CWF19L2: variants seen among roughly 807,000 people sequenced by gnomAD.
CWF19L2 encodes CWF19 like cell cycle control factor 2.
CWF19L2 carries 98 observed loss-of-function variants against 111.7 expected under a neutral mutation model. The observed-to-expected ratio is 0.88, with a 90% CI of 0.75 to 1.04. CWF19L2 has a LOEUF of 1.04. Ranked by LOEUF, CWF19L2 falls within the 50% of genes least tolerant of loss-of-function variation. The probability of loss-of-function intolerance (pLI) is 0.00; values close to 1 mark genes in which losing one functional copy is unlikely to be tolerated. For synonymous variants in CWF19L2, 351 were observed against 342.9 expected, an observed-to-expected ratio of 1.02 and a Z score of -0.26; for missense variants, 1,101 against 1,051.4, an observed-to-expected ratio of 1.05 and a Z score of -0.65.
At position 107,329,816 on chromosome 11, in the gene CWF19L2, A is replaced by G. The variant is rs147953007; in HGVS notation, c.2541+102T>C. ...CTAAAAACTGGGTGGAGCAGTACTCACCAATTTCTTTGTATACTGTGCCCA... is the reference window on the plus strand; with the variant it reads ...CTAAAAACTGGGTGGAGCAGTACTCGCCAATTTCTTTGTATACTGTGCCCA... On this transcript the variant is annotated intron_variant, in intron 17 of 17. Transcript: ENST00000282251. 8.4e-4 allele frequency: 643 copies of G among 766,654 alleles called. No individual in the cohort carries two copies. The African/African-American group carries it at 9.6e-3, about 11-fold the overall frequency. 47.5% of individuals were successfully genotyped at this position (766,654 alleles called of 1,614,324 possible).
At chr11:107,361,739 A>C (rs76894292) in intron 12 of CWF19L2, among the ~76,000 whole-genome samples, 3 of 152,078 alleles carry the variant, frequency 2.0e-5, no homozygotes, top group Non-Finnish European at 4.4e-5. Context: ...AGCTATTGTA[A>C]ATGGGATTAC....
chr11:107,433,585 T>A, intron 7 of CWF19L2, 49 bp downstream of exon 7: 1 of 812,330 alleles, frequency 1.2e-6, no homozygotes. Context: ...CACTTAATTT[T>A]TCACCTAATT....
At chr11:107,351,442 G>A (rs921749428) in intron 13 of CWF19L2, among the ~76,000 whole-genome samples, 46 of 152,202 alleles carry the variant, frequency 3.0e-4, no homozygotes, top group African/African-American at 1.1e-3. Context: ...AGTTTCAGAT[G>A]TTTACTAGAT....
chr11:107,385,097 T>A (rs1860745602), intron 12 of CWF19L2, among the ~76,000 whole-genome samples: 1 of 152,160 alleles, frequency 6.6e-6, no homozygotes, highest in South Asian at 2.1e-4. Flanking sequence ...TTCTTTTTTT[T>A]ATAGGCTTTT....
chr11:107,445,490 C>T (rs1218089787), intron 3 of CWF19L2, among the ~76,000 whole-genome samples: 1 of 151,948 alleles, frequency 6.6e-6, no homozygotes, highest in Non-Finnish European at 1.5e-5. Flanking sequence ...TGTACTCCCA[C>T]CTACTTGAGA....
At chr11:107,450,286 C>G (rs1861760364) in intron 3 of CWF19L2, among the ~76,000 whole-genome samples, 1 of 151,972 alleles carries the variant, frequency 6.6e-6, no homozygotes, top group South Asian at 2.1e-4. Context: ...GTCTCAAAAA[C>G]TTTTTAACAA....
intron 13 of CWF19L2, among the ~76,000 whole-genome samples, chr11:107,351,147 G>A (rs1386562446): frequency 6.6e-6 from 1 of 152,192 alleles, no homozygotes; most frequent in East Asian, 1.9e-4. Flanking sequence ...GACCCATTAG[G>A]AAACTATTAC....
chr11:107,330,807 C>T (rs1348277510), intron 16 of CWF19L2, among the ~76,000 whole-genome samples: 1 of 970 alleles, frequency 1.0e-3, no homozygotes, highest in Non-Finnish European at 1.9e-3. Context: ...TAGAAATTAT[C>T]CAAGTGGGTC....
intron 17 of CWF19L2, among the ~76,000 whole-genome samples, chr11:107,329,511 TCA>T (rs1482147935): frequency 6.6e-6 from 1 of 152,170 alleles, no homozygotes; most frequent in African/African-American, 2.4e-5. Context: ...TCTCTGTAGC[TCA>T]GTTTCTTCAT....
At chr11:107,401,176 C>G (rs952741863) in intron 10 of CWF19L2, among the ~76,000 whole-genome samples, 1 of 152,160 alleles carries the variant, frequency 6.6e-6, no homozygotes, top group Non-Finnish European at 1.5e-5. Context: ...TGCTCACTCT[C>G]ACCACTCCTC....
rs538625677 is a variant in CWF19L2, at chr11:107,361,210, T to C, written c.1873-7474A>G. On this transcript the variant is annotated intron_variant, in intron 12 of 17. Transcript: ENST00000282251. Reference sequence around the variant, plus strand: ...TCCCAGCACCATTTACTGAAAAGAGTATCTTTTCCCCGGTGTATGTTCGTG... The same window carrying C: ...TCCCAGCACCATTTACTGAAAAGAGCATCTTTTCCCCGGTGTATGTTCGTG... Among the ~76,000 whole-genome samples the C allele has an allele frequency of 3.3e-5, 5 of 152,310 alleles. No individual in the cohort carries two copies. In the South Asian group the frequency reaches 8.3e-4, roughly 25 times the overall value.
intron 1 of CWF19L2, 57 bp downstream of exon 1, chr11:107,457,655 G>A (rs1273456918): frequency 3.8e-6 from 5 of 1,307,542 alleles, no homozygotes; most frequent in African/African-American, 1.5e-5. Flanking sequence ...GCTAGCTTAC[G>A]GGAACCCTCA....
chr11:107,353,933 G>A (rs994704252), intron 12 of CWF19L2, among the ~76,000 whole-genome samples, 197 bp from the exon 13 acceptor site: 2 of 152,058 alleles, frequency 1.3e-5, no homozygotes, highest in African/African-American at 4.8e-5. Context: ...AAAGTTTACT[G>A]AATATTTACT....
At chr11:107,366,927 T>C (rs1860439597) in intron 12 of CWF19L2, among the ~76,000 whole-genome samples, 1 of 77,964 alleles carries the variant, frequency 1.3e-5, no homozygotes, top group Non-Finnish European at 2.6e-5. Flanking sequence ...AACCTACTCA[T>C]CTGACAAAGG....
rs764600477 is a variant in CWF19L2, at chr11:107,326,812, C to A, written c.*98G>T. The A allele has an allele frequency of 1.1e-5, 11 of 1,037,682 alleles. No individual in the cohort carries two copies. Among genetic ancestry groups the A allele is most frequent in the South Asian group, 1.8e-5 (1 of 57,006 alleles). 64.3% of individuals were successfully genotyped at this position (1,037,682 alleles called of 1,614,324 possible). A position where few individuals can be genotyped will look rare whatever the true frequency, so the allele number is the denominator to read the frequency against. On this transcript the variant is annotated 3_prime_UTR_variant, in exon 18 of 18. Transcript: ENST00000282251. The stretch of plus-strand genomic sequence containing the variant: ...CCCAGAGCAGTCTGCTGCTGTGACT[C>A]TCTCTGCCTGTGACCTGAGGGTCAG...
chr11:107,362,452 T>A (rs913193637), intron 12 of CWF19L2, among the ~76,000 whole-genome samples: 5 of 151,992 alleles, frequency 3.3e-5, no homozygotes, highest in Non-Finnish European at 5.9e-5. Context: ...CAGCAGTGGT[T>A]CTCCCAGCAC....
intron 6 of CWF19L2, among the ~76,000 whole-genome samples, chr11:107,438,462 T>C (rs1391145743): frequency 1.3e-5 from 2 of 152,208 alleles, no homozygotes; most frequent in Non-Finnish European, 2.9e-5. Context: ...ATACATTATT[T>C]TCATGAAATT....
At chr11:107,437,460 C>T (rs1291453139) in intron 6 of CWF19L2, among the ~76,000 whole-genome samples, 1 of 152,114 alleles carries the variant, frequency 6.6e-6, no homozygotes, top group Non-Finnish European at 1.5e-5. Flanking sequence ...CCCCTACCAT[C>T]GGTCTAAATA....
intron 3 of CWF19L2, among the ~76,000 whole-genome samples, chr11:107,447,823 T>C (rs1434093823): frequency 6.6e-6 from 1 of 152,040 alleles, no homozygotes; most frequent in African/African-American, 2.4e-5. Context: ...AAAAATCATT[T>C]AATTGAAACA....
Sources: gnomAD v4.1 joint callset for allele counts (sites outside exome capture counted in the v4.1 genomes callset) on GRCh38, gnomAD v4.1.1 for gene constraint, MANE v1.5 for transcripts, NCBI Gene and HGNC (gene_info 2026-07-23, HGNC 2026-07-21) for gene names.